LIPJ: variants seen among roughly 807,000 people sequenced by gnomAD.
LIPJ encodes the protein lipase member J.
A neutral mutation model predicts 39.8 loss-of-function variants in LIPJ; 33 were observed. That is an observed-to-expected ratio of 0.83 (90% CI 0.63 to 1.11). The LOEUF is 1.11. Ranked by LOEUF, LIPJ falls within the 50% of genes least tolerant of loss-of-function variation. The probability of loss-of-function intolerance (pLI) is 0.00; values close to 1 mark genes in which losing one functional copy is unlikely to be tolerated. For synonymous variants in LIPJ, 128 were observed against 139.2 expected (o/e 0.92, Z 0.57); for missense variants, 422 against 427.9 (o/e 0.99, Z 0.12).
chr10:88,622,714 T>C, the LIPJ span, among the ~76,000 whole-genome samples: 1 of 152,100 alleles, frequency 6.6e-6, no homozygotes, highest in Non-Finnish European at 1.5e-5. Context: ...GAGAGGGAAC[T>C]AGAGGCAACA....
At chr10:88,596,809 A>G (rs765119350) in exon 8 of LIPJ, 1 of 1,600,990 alleles carries the variant, frequency 6.2e-7, no homozygotes, top group Non-Finnish European at 8.5e-7. Context: ...GGCAACAAAG[A>G]CTTCTTGCCT....
intron 10 of LIPJ, 37 bp downstream of exon 10, chr10:88,605,741 A>C: frequency 7.5e-7 from 1 of 1,339,248 alleles, no homozygotes; most frequent in Non-Finnish European, 1.1e-6. Context: ...TACCTTACTG[A>C]CTTTTTCAGA....
intron 6 of LIPJ, 129 bp from the exon 7 acceptor site, chr10:88,596,151 T>C (rs1851248960): frequency 1.7e-6 from 1 of 582,428 alleles, no homozygotes; most frequent in Non-Finnish European, 2.6e-6. Context: ...GTTTGATAAA[T>C]GAATTAAGAA....
intron 9 of LIPJ, 99 bp from the exon 10 acceptor site, chr10:88,605,534 C>T (rs1285135156): frequency 1.3e-6 from 1 of 780,708 alleles, no homozygotes; most frequent in Non-Finnish European, 2.2e-6. Context: ...TACCAGCAGA[C>T]CCAGTACAAT....
chr10:88,615,627 C>CA, the LIPJ span, among the ~76,000 whole-genome samples: 1,002 of 24,110 alleles, frequency 0.042, 68 homozygotes, highest in Non-Finnish European at 0.056. Flanking sequence ...GACTCCACCT[C>CA]AAAAAAAAAA....
upstream of LIPJ, chr10:88,583,219 GTC>G: frequency 6.2e-7 from 1 of 1,612,264 alleles, no homozygotes; most frequent in Non-Finnish European, 8.5e-7. Flanking sequence ...TCCGCGCTGA[GTC>G]TCTGCGGCGG....
the LIPJ span, among the ~76,000 whole-genome samples, chr10:88,623,154 G>A: frequency 1.3e-5 from 2 of 152,068 alleles, no homozygotes; most frequent in African/African-American, 4.8e-5. Flanking sequence ...GTTGTTGGAG[G>A]TACTGAAATA....
At position 88,591,371 on chromosome 10, in the gene LIPJ, T is replaced by C; in HGVS notation, c.10-7T>C. 1 of 1,576,250 alleles carries C rather than the reference T, an allele frequency of 6.3e-7. No individual in the cohort carries two copies. Among genetic ancestry groups the C allele is most frequent in the Non-Finnish European group, 8.6e-7 (1 of 1,165,150 alleles). On this transcript the variant is annotated splice_polypyrimidine_tract_variant and splice_region_variant and intron_variant, in intron 3 of 10. Coordinates refer to ENST00000371939, the Ensembl canonical transcript of LIPJ. The stretch of plus-strand genomic sequence containing the variant: ...TATGCTAAAAGATTTGCTTTTTCTT[T>C]ATCTAGAGCCAGATTATTTCCTACT...
the LIPJ span, among the ~76,000 whole-genome samples, chr10:88,614,775 C>T: frequency 6.6e-6 from 1 of 152,052 alleles, no homozygotes; most frequent in South Asian, 2.1e-4. Flanking sequence ...GGAGGATTTA[C>T]CCTATTAAAT....
the LIPJ span, among the ~76,000 whole-genome samples, chr10:88,613,152 A>T: frequency 6.6e-6 from 1 of 152,302 alleles, no homozygotes; most frequent in Non-Finnish European, 1.5e-5. Flanking sequence ...TTTAGCTGGT[A>T]TAGAAAAAGA....
chr10:88,590,553 T>C (rs752919056), intron 2 of LIPJ, 32 bp from the exon 3 acceptor site: 32 of 660,974 alleles, frequency 4.8e-5, no homozygotes, highest in Non-Finnish European at 8.4e-5. Context: ...GCTGCAATTT[T>C]AACTGTATAA....
At chr10:88,596,873 T>C (rs1161768240) in exon 8 of LIPJ, 22 of 1,596,582 alleles carry the variant, frequency 1.4e-5, no homozygotes, top group Non-Finnish European at 1.9e-5. Context: ...TACAGATTTT[T>C]GATAAGATTT....
At chr10:88,599,541 A>G (rs1054557749) in intron 8 of LIPJ, among the ~76,000 whole-genome samples, 1 of 151,708 alleles carries the variant, frequency 6.6e-6, no homozygotes, top group Non-Finnish European at 1.5e-5. Context: ...GTCTTTCTCT[A>G]TTTGGCTTAT....
chr10:88,612,119 C>A, the LIPJ span, among the ~76,000 whole-genome samples: 1 of 152,102 alleles, frequency 6.6e-6, no homozygotes, highest in Non-Finnish European at 1.5e-5. Flanking sequence ...TTTTTAGCCT[C>A]CTTACACAAA....
rs113304794 is a variant in LIPJ, at chr10:88,602,857, C to T, written c.795+210C>T. ...CTATAATCCCAGCACTTTGGGAGGC[C>T]GAGGCGGGTGGATCACCTGAGGTCA... On this transcript the variant is annotated intron_variant, in intron 9 of 10. Coordinates refer to ENST00000371939, the Ensembl canonical transcript of LIPJ. Among the ~76,000 whole-genome samples, 211 of 152,162 alleles carry T rather than the reference C, an allele frequency of 1.4e-3. 1 individual carries two copies. The highest frequency in any genetic ancestry group is 4.8e-3 in the African/African-American group (201 of 41,522).
chr10:88,592,440 T>C (rs902384337), intron 4 of LIPJ: 4 of 151,880 alleles, frequency 2.6e-5, no homozygotes, highest in Admixed American at 1.3e-4. Flanking sequence ...TTCAGGTACA[T>C]GTGACTGATT....
chr10:88,586,288 G>A (rs1475404905), upstream of LIPJ, among the ~76,000 whole-genome samples: 2 of 152,054 alleles, frequency 1.3e-5, no homozygotes, highest in Non-Finnish European at 2.9e-5. Context: ...TGGGTCCTTG[G>A]TTGACTACTT....
chr10:88,582,991 T>C, upstream of LIPJ: 1 of 1,483,632 alleles, frequency 6.7e-7, no homozygotes, highest in Non-Finnish European at 9.1e-7. Context: ...CGCCTTAGAC[T>C]TTCTTGGGTG....
chr10:88,609,041 G>A (rs1189508963), downstream of LIPJ, among the ~76,000 whole-genome samples: 1 of 152,146 alleles, frequency 6.6e-6, no homozygotes, highest in African/African-American at 2.4e-5. Flanking sequence ...CGCTTGTTCA[G>A]GCCTGCTCCC....
Sources: gnomAD v4.1 joint callset for allele counts (sites outside exome capture counted in the v4.1 genomes callset) on GRCh38, gnomAD v4.1.1 for gene constraint, MANE v1.5 for transcripts, NCBI Gene and HGNC (gene_info 2026-07-23, HGNC 2026-07-21) for gene names.